The following XKR6 variants were observed in gnomAD, a reference collection of about 807,000 sequenced individuals.
The protein encoded by XKR6 is XK related 6.
A neutral mutation model predicts 56.7 loss-of-function variants in XKR6; 22 were observed. The ratio of observed to expected loss-of-function variants is 0.39; its 90% CI spans 0.28 to 0.55. The LOEUF is 0.55. Ranked by LOEUF, XKR6 falls within the 20% of genes least tolerant of loss-of-function variation. The pLI is 0.66. For synonymous variants in XKR6, 524 were observed against 387.8 expected, an observed-to-expected ratio of 1.35 and a Z score of -4.13; for missense variants, 852 against 889.0, an observed-to-expected ratio of 0.96 and a Z score of 0.53.
chr8:10,992,142 T>C (rs986178104), intron 1 of XKR6, among the ~76,000 whole-genome samples: 2 of 152,224 alleles, frequency 1.3e-5, no homozygotes, highest in African/African-American at 2.4e-5. Flanking sequence ...AGCCTGATGA[T>C]ATCATCATCA....
intron 1 of XKR6, among the ~76,000 whole-genome samples, chr8:11,116,879 A>G (rs939954773): frequency 2.0e-5 from 3 of 152,180 alleles, no homozygotes; most frequent in Admixed American, 6.5e-5. Flanking sequence ...CAAAACTTTC[A>G]CTACTTCCAC....
intron 2 of XKR6, among the ~76,000 whole-genome samples, chr8:10,904,662 G>A (rs1277164086): frequency 6.6e-6 from 1 of 152,178 alleles, no homozygotes. Flanking sequence ...CCAGGGTGGA[G>A]CTGCATCAGG....
chr8:11,180,691 G>A (rs952710561), intron 1 of XKR6, among the ~76,000 whole-genome samples: 17 of 152,086 alleles, frequency 1.1e-4, no homozygotes, highest in African/African-American at 3.6e-4. Flanking sequence ...GAATGCTTGG[G>A]CCCAGGAGTT....
chr8:11,047,595 G>GA (rs1716287264), intron 1 of XKR6, among the ~76,000 whole-genome samples: 1 of 152,208 alleles, frequency 6.6e-6, no homozygotes, highest in African/African-American at 2.4e-5. Flanking sequence ...ACAGAAAGTA[G>GA]AATGAGGGTT....
At chr8:11,060,468 C>T (rs1001803722) in intron 1 of XKR6, among the ~76,000 whole-genome samples, 6 of 152,120 alleles carry the variant, frequency 3.9e-5, no homozygotes, top group African/African-American at 1.4e-4. Flanking sequence ...TAGGGGTGCT[C>T]CCTGTACTCC....
intron 1 of XKR6, among the ~76,000 whole-genome samples, chr8:11,191,551 G>C (rs563683524): frequency 1.3e-5 from 2 of 152,212 alleles, no homozygotes; most frequent in Non-Finnish European, 2.9e-5. Flanking sequence ...ACAAAAATTT[G>C]TGCCTGAATG....
At chr8:10,973,412 A>G (rs1441463175) in intron 1 of XKR6, among the ~76,000 whole-genome samples, 2 of 152,100 alleles carry the variant, frequency 1.3e-5, no homozygotes, top group African/African-American at 4.8e-5. Context: ...AGAGAGTGAT[A>G]TTATCTGAGA....
intron 1 of XKR6, among the ~76,000 whole-genome samples, chr8:11,049,416 C>T (rs1394527294): frequency 6.6e-6 from 1 of 152,198 alleles, no homozygotes; most frequent in Non-Finnish European, 1.5e-5. Context: ...TGATGGAACA[C>T]AGCCCCTGAC....
rs557377047 is a variant in XKR6 at position 11,034,083 on chromosome 8, C to T, written c.765-109253G>A. Among the ~76,000 whole-genome samples the T allele has an allele frequency of 1.1e-4, 16 of 152,230 alleles. No individual in the cohort carries two copies. The South Asian group carries it at 2.3e-3, about 22-fold the overall frequency. ...CTGCAAAGCACAGTCCACGACCAAA[C>T]TAAATGAGAAAAAAACAAATCACAT... On this transcript the variant is annotated intron_variant, in intron 1 of 2. Transcript: ENST00000416569.
In XKR6 at chr8:10,938,297, G is replaced by C. The variant is rs564017254; in HGVS notation, c.765-13467C>G. Among the ~76,000 whole-genome samples, 133 of 152,272 alleles carry C rather than the reference G, an allele frequency of 8.7e-4. 1 individual carries two copies. Among genetic ancestry groups the C allele is most frequent in the African/African-American group, 3.1e-3 (128 of 41,564 alleles). On this transcript the variant is annotated intron_variant, in intron 1 of 2. Transcript: ENST00000416569. ...GCGCACCCACTGGCCTGCGCCCACT[G>C]TCTGGCACTCCCTAGTGAGATGAAC... is the stretch of plus-strand genomic sequence containing the variant.
chr8:11,186,426 G>T (rs1318744160), intron 1 of XKR6, among the ~76,000 whole-genome samples: 1 of 152,120 alleles, frequency 6.6e-6, no homozygotes, highest in East Asian at 1.9e-4. Context: ...CCGTTATCCA[G>T]GCTGCAGTGG....
chr8:10,901,053 T>C (rs370672677), intron 2 of XKR6, among the ~76,000 whole-genome samples: 1,538 of 114,548 alleles, frequency 0.013, 5 homozygotes, highest in Non-Finnish European at 0.021. Context: ...GAGTTTCTAC[T>C]TCTTTTTTTT....
intron 1 of XKR6, among the ~76,000 whole-genome samples, chr8:11,063,854 C>T (rs1334247548): frequency 2.6e-5 from 4 of 152,194 alleles, no homozygotes; most frequent in Non-Finnish European, 5.9e-5. Context: ...CCCATAGAGG[C>T]TACTCGACAC....
chr8:11,018,026 G>A (rs1030760748), intron 1 of XKR6, among the ~76,000 whole-genome samples: 3 of 152,138 alleles, frequency 2.0e-5, no homozygotes, highest in Non-Finnish European at 4.4e-5. Context: ...CACAACCCCG[G>A]TCCTCTGGGC....
At chr8:11,120,912 A>C (rs1477968543) in intron 1 of XKR6, among the ~76,000 whole-genome samples, 1 of 152,210 alleles carries the variant, frequency 6.6e-6, no homozygotes, top group East Asian at 1.9e-4. Context: ...TCTTTGACAA[A>C]CCTGAGAAAA....
chr8:11,082,626 C>T (rs1193090727), intron 1 of XKR6, among the ~76,000 whole-genome samples: 1 of 152,236 alleles, frequency 6.6e-6, no homozygotes, highest in East Asian at 1.9e-4. Context: ...AGCCTGCAGC[C>T]TGGGAGAAAG....
At position 11,178,492 on chromosome 8, in the gene XKR6, G is replaced by C. The variant is rs547494096; in HGVS notation, c.764+22084C>G. On this transcript the variant is annotated intron_variant, in intron 1 of 2. Transcript: ENST00000416569. ...GGACACCAAATGTCCTAACCATGGA[G>C]AAATCACTAATAAAACCACACCAAA... Among the ~76,000 whole-genome samples, 17 of 148,410 alleles carry C rather than the reference G, an allele frequency of 1.1e-4. No homozygotes were observed. In the South Asian group the frequency reaches 3.6e-3, roughly 32 times the overall value.
intron 1 of XKR6, among the ~76,000 whole-genome samples, chr8:10,931,272 A>G (rs1801042793): frequency 6.6e-6 from 1 of 152,230 alleles, no homozygotes; most frequent in Non-Finnish European, 1.5e-5. Context: ...AATAAAAGAA[A>G]TCAAAGAAAA....
chr8:11,197,592 C>T (rs909804228), intron 1 of XKR6, among the ~76,000 whole-genome samples: 34 of 152,186 alleles, frequency 2.2e-4, no homozygotes, highest in Non-Finnish European at 2.9e-5. Context: ...GCTGTACAGA[C>T]GCTGTTACAT....
Sources: allele counts gnomAD v4.1 joint callset (sites outside exome capture counted in the v4.1 genomes callset), GRCh38; gene constraint gnomAD v4.1.1; transcripts MANE v1.5; gene names NCBI Gene and HGNC (gene_info 2026-07-23, HGNC 2026-07-21).